Variants in CCDC102B observed in about 807,000 individuals in gnomAD.
CCDC102B encodes the protein coiled-coil domain-containing protein 102B.
CCDC102B carries 75 observed loss-of-function variants against 57.4 expected under a neutral mutation model. The observed-to-expected ratio is 1.31, with a 90% confidence interval of 1.08 to 1.58. The LOEUF is 1.58. Ranked by LOEUF, CCDC102B falls within the 40% of genes most tolerant of loss-of-function variation. The probability of loss-of-function intolerance (pLI) is 0.00; values close to 1 mark genes in which losing one functional copy is unlikely to be tolerated. For synonymous variants in CCDC102B, 206 were observed against 201.9 expected (o/e 1.02, Z -0.17); for missense variants, 636 against 582.6 (o/e 1.09, Z -0.94).
chr18:68,975,355 C>T (rs1442649369), intron 6 of CCDC102B, among the ~76,000 whole-genome samples: 1 of 151,400 alleles, frequency 6.6e-6, no homozygotes, highest in Non-Finnish European at 1.5e-5. Flanking sequence ...CTTAAGAAAA[C>T]AATGAAATTA....
At chr18:68,871,375 G>T (rs555444173) in intron 4 of CCDC102B, among the ~76,000 whole-genome samples, 1 of 151,110 alleles carries the variant, frequency 6.6e-6, no homozygotes, top group Non-Finnish European at 1.5e-5. Context: ...ATCATTGTTA[G>T]CATCTGTAAG....
Position 68,906,541 on chromosome 18 carries a change from A to C in CCDC102B, c.1263+9113A>C, listed in dbSNP as rs2040651098. 2.0e-5 allele frequency among the ~76,000 whole-genome samples: 3 copies of C among 152,110 alleles called. No homozygotes were observed. In the South Asian group the frequency reaches 6.2e-4, roughly 32 times the overall value. The stretch of plus-strand genomic sequence containing the variant: ...TTTATTTTTGAATTATACTCATCCC[A>C]GTGGGTTTGGTTTCTCATTGTGATT... On this transcript the variant is annotated intron_variant, in intron 6 of 7. Coordinates refer to ENST00000360242, the MANE Select transcript of CCDC102B (RefSeq NM_024781.3).
In CCDC102B at chr18:68,897,406, T is replaced by A. The variant is rs1380470435; in HGVS notation, c.1241T>A (p.Ile414Asn). Residue 414 changes from isoleucine to asparagine, a missense_variant, in exon 6 of 8, where the codon ATT becomes AAT. Coordinates refer to ENST00000360242, the MANE Select transcript of CCDC102B (RefSeq NM_024781.3). ...SQSPDFKMSQIDLQEKNQELL... is the reference protein window; with the variant it reads ...SQSPDFKMSQNDLQEKNQELL... ...AGTCCTGATTTCAAGATGTCACAAA[T>A]TGATCTGCAAGAAAAAAACCAGGTA... 1 of 1,611,236 alleles carries A rather than the reference T, an allele frequency of 6.2e-7. No homozygotes were observed. The highest frequency in any genetic ancestry group is 1.7e-5 in the Admixed American group (1 of 59,560).
At chr18:68,811,365 A>T (rs2036256952) in intron 1 of CCDC102B, among the ~76,000 whole-genome samples, 1 of 152,202 alleles carries the variant, frequency 6.6e-6, no homozygotes, top group South Asian at 2.1e-4. Flanking sequence ...TCACGCCTGT[A>T]ATCTCAGCAC....
chr18:68,741,904 C>G (rs2033409455), intron 2 of CCDC102B, among the ~76,000 whole-genome samples: 1 of 152,006 alleles, frequency 6.6e-6, no homozygotes, highest in South Asian at 2.1e-4. Flanking sequence ...CCACTGACAC[C>G]AAAGGAGGGA....
chr18:68,767,543 C>T (rs1568240046), intron 2 of CCDC102B, among the ~76,000 whole-genome samples: 4 of 152,214 alleles, frequency 2.6e-5, no homozygotes, highest in African/African-American at 7.2e-5. Context: ...GCAGCCCAAG[C>T]TGATGAAAAC....
intron 4 of CCDC102B, among the ~76,000 whole-genome samples, chr18:68,849,401 G>T (rs778259855): frequency 6.6e-6 from 1 of 151,978 alleles, no homozygotes; most frequent in African/African-American, 2.4e-5. Context: ...CCATAGAAGT[G>T]ACTATAAATA....
At chr18:68,798,856 ATTTGCTTACGTTTTC>A (rs1314987759) in intron 1 of CCDC102B, among the ~76,000 whole-genome samples, 3 of 152,212 alleles carry the variant, frequency 2.0e-5, no homozygotes, top group African/African-American at 7.2e-5. Context: ...TTTGGGAAGC[ATTTGCTTACGTTTTC>A]TGCAAAGATA....
chr18:68,930,724 G>A (rs2041642385), intron 6 of CCDC102B, among the ~76,000 whole-genome samples: 1 of 151,896 alleles, frequency 6.6e-6, no homozygotes, highest in South Asian at 2.1e-4. Context: ...ATTGAAAGAT[G>A]CCCTTTGAAA....
intron 6 of CCDC102B, among the ~76,000 whole-genome samples, chr18:68,942,117 G>C (rs2049394513): frequency 6.6e-6 from 1 of 152,138 alleles, no homozygotes; most frequent in Non-Finnish European, 1.5e-5. Context: ...TAAAATTTAA[G>C]AGTCAGAAAT....
chr18:68,745,988 G>A (rs891852681), intron 2 of CCDC102B, among the ~76,000 whole-genome samples: 1 of 152,116 alleles, frequency 6.6e-6, no homozygotes, highest in African/African-American at 2.4e-5. Flanking sequence ...AAGATGCCAA[G>A]ACAGTTCTCC....
At chr18:68,877,246 G>A (rs941798150) in intron 5 of CCDC102B, among the ~76,000 whole-genome samples, 102 of 152,214 alleles carry the variant, frequency 6.7e-4, no homozygotes, top group African/African-American at 2.2e-3. Flanking sequence ...TGTGATGTGA[G>A]TGGGAAAAGA....
At chr18:68,877,456 C>G (rs2039493472) in intron 5 of CCDC102B, among the ~76,000 whole-genome samples, 1 of 152,196 alleles carries the variant, frequency 6.6e-6, no homozygotes, top group African/African-American at 2.4e-5. Flanking sequence ...TGAACTTTTC[C>G]TGTAAGTTGT....
chr18:68,722,759 A>G (rs2032406581), intron 2 of CCDC102B, among the ~76,000 whole-genome samples: 1 of 152,186 alleles, frequency 6.6e-6, no homozygotes, highest in African/African-American at 2.4e-5. Flanking sequence ...CAAACTTCCT[A>G]AGATATGAAA....
At chr18:68,860,475 C>CAAAAAAAAAAAAAAAAAA (rs1169097862) in intron 4 of CCDC102B, among the ~76,000 whole-genome samples, 2 of 53,058 alleles carry the variant, frequency 3.8e-5, no homozygotes, top group Non-Finnish European at 4.9e-5. Context: ...AAAACAAAAA[C>CAAAAAAAAAAAAAAAAAA]AAAAAAAAAA....
At chr18:68,978,795 G>T (rs996819435) in intron 6 of CCDC102B, among the ~76,000 whole-genome samples, 1 of 151,940 alleles carries the variant, frequency 6.6e-6, no homozygotes, top group Non-Finnish European at 1.5e-5. Flanking sequence ...AAAGATACCA[G>T]CATTTTCCAT....
rs12373428 is a variant in CCDC102B, at chr18:68,915,617, C to T, written c.1263+18189C>T. 3.9e-5 allele frequency among the ~76,000 whole-genome samples: 6 copies of T among 152,024 alleles called. No individual in the cohort carries two copies. In the East Asian group the frequency reaches 1.2e-3, roughly 29 times the overall value. Reference sequence around the variant, plus strand: ...TATTTTAGTTGTAATGTTTTCTACTCTTTTTATTTGAGTGACTATTTGTTA... The same window carrying T: ...TATTTTAGTTGTAATGTTTTCTACTTTTTTTATTTGAGTGACTATTTGTTA... On this transcript the variant is annotated intron_variant, in intron 6 of 7. Transcript: ENST00000360242.
At chr18:68,721,104 T>C (rs1196134372) in intron 2 of CCDC102B, 1 of 152,240 alleles carries the variant, frequency 6.6e-6, no homozygotes, top group Non-Finnish European at 1.5e-5. Context: ...GAGATTGCTC[T>C]TTCAGCCCAA....
chr18:68,848,275 T>G (rs1304169208), intron 4 of CCDC102B, among the ~76,000 whole-genome samples: 1 of 151,994 alleles, frequency 6.6e-6, no homozygotes, highest in East Asian at 1.9e-4. Flanking sequence ...TATTCTTTCT[T>G]ACTCCCTTTT....
Sources: allele counts gnomAD v4.1 joint callset (sites outside exome capture counted in the v4.1 genomes callset), GRCh38; gene constraint gnomAD v4.1.1; transcripts MANE v1.5; gene names NCBI Gene and HGNC (gene_info 2026-07-23, HGNC 2026-07-21).